SLC24A2: variants seen among roughly 807,000 people sequenced by gnomAD.
SLC24A2 encodes sodium/potassium/calcium exchanger 2.
Under a neutral mutation model 62.0 loss-of-function variants are expected in SLC24A2, and 36 were observed. The ratio of observed to expected loss-of-function variants is 0.58; its 90% CI spans 0.44 to 0.77. The LOEUF is 0.77. Among genes scored for constraint, SLC24A2 ranks in the 30% least tolerant of loss-of-function variants. The pLI, the probability that SLC24A2 is intolerant of heterozygous loss-of-function variation, is 0.00. For synonymous variants in SLC24A2, 358 were observed against 294.0 expected (o/e 1.22, Z -2.23); for missense variants, 846 against 817.9 (o/e 1.03, Z -0.42).
At chr9:19,730,766 A>AT (rs1415717831) in intron 2 of SLC24A2, among the ~76,000 whole-genome samples, 1 of 152,050 alleles carries the variant, frequency 6.6e-6, no homozygotes, top group Non-Finnish European at 1.5e-5. Context: ...TGCTTAAAAT[A>AT]TTTTTCGATG....
chr9:19,826,582 T>A, the SLC24A2 span, among the ~76,000 whole-genome samples: 6 of 152,192 alleles, frequency 3.9e-5, no homozygotes, highest in Non-Finnish European at 7.3e-5. Context: ...CGTCTCTGCC[T>A]GCAAGTTGGC....
chr9:20,229,128 GT>G, the SLC24A2 span, among the ~76,000 whole-genome samples: 1 of 152,108 alleles, frequency 6.6e-6, no homozygotes, highest in Non-Finnish European at 1.5e-5. Flanking sequence ...AATTCCACTT[GT>G]TTTTTCCATT....
intron 7 of SLC24A2, among the ~76,000 whole-genome samples, chr9:19,565,891 C>G (rs1835630085): frequency 1.3e-5 from 2 of 150,440 alleles, no homozygotes; most frequent in Admixed American, 6.6e-5. Context: ...ATAAATGGTA[C>G]TGGGAAAACT....
chr9:19,618,071 C>T (rs1349487261), intron 4 of SLC24A2, among the ~76,000 whole-genome samples: 1 of 152,124 alleles, frequency 6.6e-6, no homozygotes, highest in Non-Finnish European at 1.5e-5. Flanking sequence ...TATTGTGAAG[C>T]ATAAGTTTAC....
At chr9:19,560,846 C>CT (rs1835352702) in intron 7 of SLC24A2, among the ~76,000 whole-genome samples, 2 of 151,086 alleles carry the variant, frequency 1.3e-5, no homozygotes, top group South Asian at 4.2e-4. Flanking sequence ...AGATCTCTAT[C>CT]TTTGTTCTTT....
chr9:20,173,772 G>A, the SLC24A2 span, among the ~76,000 whole-genome samples: 3 of 151,924 alleles, frequency 2.0e-5, no homozygotes, highest in African/African-American at 7.2e-5. Flanking sequence ...TAAACATACT[G>A]TCAAAAGCAA....
intron 4 of SLC24A2, among the ~76,000 whole-genome samples, chr9:19,606,436 G>T (rs1022651867): frequency 1.3e-5 from 2 of 152,162 alleles, no homozygotes; most frequent in Non-Finnish European, 2.9e-5. Context: ...AGCCACATAG[G>T]TTACTGCAAC....
the SLC24A2 span, among the ~76,000 whole-genome samples, chr9:20,005,248 T>A: frequency 1.3e-5 from 2 of 152,222 alleles, no homozygotes; most frequent in African/African-American, 4.8e-5. Context: ...CTTTTTCATT[T>A]GAACAAATTG....
chr9:19,688,805 T>C lies in SLC24A2; in HGVS notation c.931-66506A>G, dbSNP rs547911018. On this transcript the variant is annotated intron_variant, in intron 2 of 10. Transcript: ENST00000341998. ...CCAGAGGAATGCCTCTTATTTTGCA[T>C]GTCCCTGCATGTCATGCTCAGAGAT... Among the ~76,000 whole-genome samples, 43 of 152,234 alleles carry C rather than the reference T, an allele frequency of 2.8e-4. No individual in the cohort carries two copies. In the South Asian group the frequency reaches 8.3e-3, roughly 29 times the overall value.
the SLC24A2 span, among the ~76,000 whole-genome samples, chr9:20,192,697 C>G: frequency 6.6e-6 from 1 of 152,112 alleles, no homozygotes; most frequent in South Asian, 2.1e-4. Flanking sequence ...ATTCCTGATA[C>G]GGGGGCTGCT....
At chr9:20,025,428 A>G in the SLC24A2 span, among the ~76,000 whole-genome samples, 3 of 152,214 alleles carry the variant, frequency 2.0e-5, no homozygotes, top group East Asian at 5.8e-4. Flanking sequence ...TTTAAGCTAC[A>G]AATTAATCAG....
the SLC24A2 span, among the ~76,000 whole-genome samples, chr9:20,170,119 A>G: frequency 1.4e-5 from 2 of 147,216 alleles, no homozygotes. Flanking sequence ...AATTAACCCA[A>G]TCCAACAAAG....
At chr9:19,930,417 T>C in the SLC24A2 span, among the ~76,000 whole-genome samples, 1 of 152,224 alleles carries the variant, frequency 6.6e-6, no homozygotes, top group Non-Finnish European at 1.5e-5. Context: ...GGCTATACCA[T>C]ACAGCCTAGG....
chr9:19,866,400 C>G, the SLC24A2 span, among the ~76,000 whole-genome samples: 3 of 152,148 alleles, frequency 2.0e-5, no homozygotes, highest in Middle Eastern at 3.2e-3. Flanking sequence ...ATTTGCACTC[C>G]CATGTTTGTT....
the SLC24A2 span, among the ~76,000 whole-genome samples, chr9:19,813,550 C>A: frequency 6.6e-6 from 1 of 151,940 alleles, no homozygotes; most frequent in Non-Finnish European, 1.5e-5. Context: ...AACTCCTGGC[C>A]TGAAATGATC....
At chr9:19,552,257 TAGAGA>T (rs1834882115) in intron 7 of SLC24A2, among the ~76,000 whole-genome samples, 1 of 152,210 alleles carries the variant, frequency 6.6e-6, no homozygotes, top group Admixed American at 6.5e-5. Flanking sequence ...ATAGCAGGTG[TAGAGA>T]ATATCATTCC....
At chr9:20,049,256 T>A in the SLC24A2 span, among the ~76,000 whole-genome samples, 1 of 152,210 alleles carries the variant, frequency 6.6e-6, no homozygotes, top group African/African-American at 2.4e-5. Flanking sequence ...AACCATCACA[T>A]CGATCCATCA....
chr9:20,007,612 C>T, the SLC24A2 span, among the ~76,000 whole-genome samples: 3 of 152,032 alleles, frequency 2.0e-5, no homozygotes, highest in Non-Finnish European at 2.9e-5. Flanking sequence ...AATCTGAATG[C>T]AATGGGGATT....
At chr9:19,625,846 C>T (rs916876937) in intron 2 of SLC24A2, among the ~76,000 whole-genome samples, 6 of 151,906 alleles carry the variant, frequency 3.9e-5, no homozygotes, top group African/African-American at 1.5e-4. Flanking sequence ...GCCACCACGC[C>T]CAGCTAATTT....
Sources: gnomAD v4.1 joint callset for allele counts (sites outside exome capture counted in the v4.1 genomes callset) on GRCh38, gnomAD v4.1.1 for gene constraint, MANE v1.5 for transcripts, NCBI Gene and HGNC (gene_info 2026-07-23, HGNC 2026-07-21) for gene names.